Variants in ADCY3 observed in about 807,000 individuals in gnomAD.
The protein encoded by ADCY3 is adenylate cyclase 3, also known as adenylate cyclase type 3.
Under a neutral mutation model 119.4 loss-of-function variants are expected in ADCY3, and 70 were observed. The ratio of observed to expected loss-of-function variants is 0.59; its 90% CI spans 0.48 to 0.72. The LOEUF is 0.72. Ranked by LOEUF, ADCY3 falls within the 30% of genes least tolerant of loss-of-function variation. ADCY3 has a pLI of 0.00. For synonymous variants in ADCY3, 672 were observed against 621.4 expected, an observed-to-expected ratio of 1.08 and a Z score of -1.21; for missense variants, 1,238 against 1,541.6, an observed-to-expected ratio of 0.80 and a Z score of 3.30.
chr2:24,822,335 T>TA lies in ADCY3; in HGVS notation c.3003+175_3003+176insT, dbSNP rs1224756131. The TA allele has an allele frequency of 1.1e-5, 10 of 906,294 alleles. No individual in the cohort carries two copies. The African/African-American group carries it at 1.5e-4, about 14-fold the overall frequency. The allele number at this position is 906,294 out of a possible 1,614,324, so 56.1% of individuals were successfully genotyped here. A position where few individuals can be genotyped will look rare whatever the true frequency, so the allele number is the denominator to read the frequency against. ...GGGTTGTGTGTCTGTTCTGTTTCTC[T>TA]GCTTGCCGAACTTTCTCAATAAACC... On this transcript the variant is annotated intron_variant, in intron 19 of 21. Coordinates refer to ENST00000679454, the MANE Select transcript of ADCY3 (RefSeq NM_004036.5).
Position 24,883,216 on chromosome 2 carries a change from C to T in ADCY3, c.676-10497G>A, listed in dbSNP as rs149098203. 4.4e-3 allele frequency among the ~76,000 whole-genome samples: 661 copies of T among 151,822 alleles called. 31 individuals are homozygous for T. The East Asian group carries it at 0.084, about 19-fold the overall frequency. On this transcript the variant is annotated intron_variant, in intron 2 of 21. Transcript: ENST00000679454. ...TATAAAAATTAGCTGGGCATGGTGG[C>T]GGGCACCTGTAGTCCCAGCTACTTG...
intron 2 of ADCY3, chr2:24,877,863 C>T (rs1371575398): frequency 2.1e-6 from 1 of 470,800 alleles, no homozygotes; most frequent in Non-Finnish European, 4.4e-6. Context: ...GGCCCAAGGG[C>T]AACAGCTGTA....
At position 24,827,986 on chromosome 2, in the gene ADCY3, A is replaced by G. The variant is rs537829337; in HGVS notation, c.2348T>C (p.Val783Ala). ...HMVKLTLMLL[V>A]AGAVATINLY... is the part of the protein sequence containing the mutation. ...GTTGATGGTGGCCACGGCGCCTGCG[A>G]CGAGCAGCATGAGCGTGAGCTTCAC... The change falls in exon 14 of 22, where the codon GTC becomes GCC. Residue 783 changes from valine to alanine, a missense_variant. By Grantham distance (64) the Val-to-Ala change is moderately conservative. This residue lies in a region of ADCY3 where 499 missense variants were observed against 571.0 expected (regional missense o/e 0.87). Transcript: ENST00000679454. 8.1e-6 allele frequency: 13 copies of G among 1,614,246 alleles called. No individual in the cohort carries two copies. The African/African-American group carries it at 1.3e-4, about 17-fold the overall frequency.
At chr2:24,903,360 C>T (rs1395647819) in intron 2 of ADCY3, among the ~76,000 whole-genome samples, 9 of 152,044 alleles carry the variant, frequency 5.9e-5, no homozygotes, top group South Asian at 2.1e-4. Flanking sequence ...GACACACAGT[C>T]ATGTAACCAC....
intron 3 of ADCY3, among the ~76,000 whole-genome samples, chr2:24,845,448 A>G (rs1335517510): frequency 6.6e-6 from 1 of 152,252 alleles, no homozygotes; most frequent in Non-Finnish European, 1.5e-5. Flanking sequence ...ATGTTTTAGC[A>G]AAGAGATTGG....
chr2:24,821,669 CA>C, intron 19 of ADCY3, 29 bp from the exon 20 acceptor site: 1 of 1,611,576 alleles, frequency 6.2e-7, no homozygotes. Flanking sequence ...GAGAAAGTGT[CA>C]GGGGCCGCTC....
intron 3 of ADCY3, among the ~76,000 whole-genome samples, chr2:24,871,178 A>G (rs1174889781): frequency 1.3e-5 from 2 of 151,920 alleles, no homozygotes; most frequent in Admixed American, 6.6e-5. Context: ...ATGCCTCCAC[A>G]GTGCGAGATC....
At chr2:24,882,146 T>C (rs1676474469) in intron 2 of ADCY3, among the ~76,000 whole-genome samples, 1 of 152,194 alleles carries the variant, frequency 6.6e-6, no homozygotes, top group African/African-American at 2.4e-5. Flanking sequence ...ATGCTCCTGA[T>C]ACTTACTGAA....
chr2:24,855,380 C>T (rs940411716), intron 3 of ADCY3, among the ~76,000 whole-genome samples: 1 of 152,150 alleles, frequency 6.6e-6, no homozygotes, highest in Non-Finnish European at 1.5e-5. Context: ...GAATGTGCTG[C>T]CCTGAGAGGT....
chr2:24,830,030 A>G (rs1669244360), intron 13 of ADCY3, among the ~76,000 whole-genome samples: 1 of 147,704 alleles, frequency 6.8e-6, no homozygotes, highest in Non-Finnish European at 1.5e-5. Flanking sequence ...TGTGACCTAG[A>G]GCAAGTGAAT....
chr2:24,831,029 T>C (rs967559610), intron 12 of ADCY3, among the ~76,000 whole-genome samples: 1 of 152,126 alleles, frequency 6.6e-6, no homozygotes, highest in African/African-American at 2.4e-5. Flanking sequence ...ACCTCCTCGA[T>C]GTGCCTGTTC....
Position 24,840,025 on chromosome 2 carries a change from C to T in ADCY3, c.1203G>A (p.Val401=). The stretch of plus-strand genomic sequence containing the variant: ...CCACCCCAGTCTTGGTCTTCTCCCG[C>T]ACATACCTGCCAGGTACACACAGAA... The part of the protein sequence containing the change: ...GLAMVEAISY[V]REKTKTGVDM... Residue 401 remains valine (V), a synonymous_variant, in exon 7 of 22, where the codon GTG becomes GTA. Coordinates refer to ENST00000679454, the MANE Select transcript of ADCY3 (RefSeq NM_004036.5). The T allele has an allele frequency of 3.1e-6, 5 of 1,609,778 alleles. No homozygotes were observed. The highest frequency in any genetic ancestry group is 4.2e-6 in the Non-Finnish European group (5 of 1,176,740).
Position 24,824,300 on chromosome 2 carries a change from C to G in ADCY3, c.2736+78G>C, listed in dbSNP as rs1668279877. 2.1e-5 allele frequency: 33 copies of G among 1,559,250 alleles called. No homozygotes were observed. The South Asian group carries it at 4.0e-4, about 19-fold the overall frequency. On this transcript the variant is annotated intron_variant, in intron 17 of 21. Coordinates refer to ENST00000679454, the MANE Select transcript of ADCY3 (RefSeq NM_004036.5). ...CCCCTGTCCCTGAGAAGGCCTGGGC[C>G]CAGCGGGGGCTGCCTGAAAGAAAGA...
At chr2:24,839,825 C>T (rs774824240) in intron 7 of ADCY3, 48 bp downstream of exon 7, 30 of 1,611,264 alleles carry the variant, frequency 1.9e-5, no homozygotes, top group South Asian at 4.4e-5. Context: ...ATGGAGGGGA[C>T]GGTCCCCTCC....
intron 21 of ADCY3, 160 bp downstream of exon 21, chr2:24,820,564 G>T: frequency 7.0e-7 from 1 of 1,424,996 alleles, no homozygotes; most frequent in Non-Finnish European, 9.3e-7. Flanking sequence ...CTGTGCTGAG[G>T]CTAGCTATTG....
At position 24,839,994 on chromosome 2, in the gene ADCY3, G is replaced by C. The variant is rs753960446; in HGVS notation, c.1234C>G (p.Arg412Gly). Residue 412 changes from arginine (R) to glycine (G), a missense_variant, in exon 7 of 22, where the codon CGT becomes GGT. Arg to Gly is a moderately radical substitution (Grantham distance 125). Transcript: ENST00000679454. ...ACGGTGCCCGTGTGCACCCCCACAC[G>C]CATGTCCACCCCAGTCTTGGTCTTC... ...REKTKTGVDM[R>G]VGVHTGTVLG... is the part of the protein sequence containing the mutation. The C allele has an allele frequency of 1.2e-6, 2 of 1,613,542 alleles. No homozygotes were observed. The highest frequency in any genetic ancestry group is 1.7e-6 in the Non-Finnish European group (2 of 1,179,796).
rs777304756 is a variant in ADCY3, at chr2:24,841,303, G to C, written c.1152C>G (p.Ala384=). 9.5e-6 allele frequency: 15 copies of C among 1,578,404 alleles called. No individual in the cohort carries two copies. The highest frequency in any genetic ancestry group is 1.2e-5 in the Non-Finnish European group (14 of 1,162,642). ...CCAGCCCCATGAGGATGGAGCAGAC[G>C]GCGTGGTCCTCCCGGTAGTCGGGCA... ...CGLPDYREDH[A]VCSILMGLAM... Residue 384 remains alanine (A), a synonymous_variant, in exon 6 of 22, where the codon GCC becomes GCG. Coordinates refer to ENST00000679454, the MANE Select transcript of ADCY3 (RefSeq NM_004036.5). The surrounding 1 kb of genome is among the most constrained non-coding windows in gnomAD (Gnocchi z 5.8).
chr2:24,820,228 C>A, intron 21 of ADCY3, 114 bp from the exon 22 acceptor site: 1 of 1,201,076 alleles, frequency 8.3e-7, no homozygotes, highest in South Asian at 1.7e-5. Context: ...CCAAGCAGTA[C>A]GGGACACTCC....
At position 24,872,106 on chromosome 2, in the gene ADCY3, C is replaced by T. The variant is rs562577901; in HGVS notation, c.825+464G>A. On this transcript the variant is annotated intron_variant, in intron 3 of 21. Coordinates refer to ENST00000679454, the MANE Select transcript of ADCY3 (RefSeq NM_004036.5). This position sits in a 1 kb window ranked among gnomAD's most constrained non-coding sequence, Gnocchi z 4.4. ...GCAGGATGGGTCAAGGCCCCACCCA[C>T]GGCATGAGCAGGTGCACAGGGTGGA... Among the ~76,000 whole-genome samples the T allele has an allele frequency of 7.2e-5, 11 of 152,324 alleles. No individual in the cohort carries two copies. The highest frequency in any genetic ancestry group is 6.5e-4 in the Admixed American group (10 of 15,304).
Sources: allele counts gnomAD v4.1 joint callset (sites outside exome capture counted in the v4.1 genomes callset), GRCh38; gene constraint gnomAD v4.1.1; regional missense constraint gnomAD v4.1.1; non-coding constraint Gnocchi (gnomAD v3.1); transcripts MANE v1.5; gene names NCBI Gene and HGNC (gene_info 2026-07-23, HGNC 2026-07-21).